MYT1L: variants seen among roughly 807,000 people sequenced by gnomAD.
The protein encoded by MYT1L is myelin transcription factor 1 like, also known as myelin transcription factor 1-like protein.
MYT1L carries 12 observed loss-of-function variants against 126.7 expected under a neutral mutation model. The ratio of observed to expected loss-of-function variants is 0.09; its 90% confidence interval spans 0.06 to 0.15. MYT1L has a LOEUF of 0.15. MYT1L is among the 10% of genes least tolerant of loss of function. The pLI, the probability that MYT1L is intolerant of heterozygous loss-of-function variation, is 1.00. For synonymous variants in MYT1L, 541 were observed against 604.2 expected (o/e 0.90, Z 1.53); for missense variants, 979 against 1,585.2 (o/e 0.62, Z 6.49).
intron 2 of MYT1L, among the ~76,000 whole-genome samples, chr2:2,190,322 G>A (rs1440363626): frequency 1.3e-5 from 2 of 151,972 alleles, no homozygotes; most frequent in Non-Finnish European, 2.9e-5. Flanking sequence ...CCAGGCAGTG[G>A]CACACGCCTG....
chr2:1,938,742 C>T (rs532037459), intron 9 of MYT1L, among the ~76,000 whole-genome samples: 115 of 152,302 alleles, frequency 7.6e-4, no homozygotes, highest in Non-Finnish European at 1.4e-3. Context: ...CCATCTTATG[C>T]AATCAATGTG....
rs190302853 is a variant in MYT1L at position 2,224,396 on chromosome 2, C to T, written c.-420-51408G>A. On this transcript the variant is annotated intron_variant, in intron 2 of 24. Coordinates refer to ENST00000647738, the MANE Select transcript of MYT1L (RefSeq NM_001303052.2). The surrounding 1 kb of genome is among the most constrained non-coding windows in gnomAD (Gnocchi z 4.0). ...TCAAAACTAACATCCCCAAAAAGAC[C>T]GGAGAGCTGGCGAGGTGACAGCCAT... Among the ~76,000 whole-genome samples, 27 of 152,246 alleles carry T rather than the reference C, an allele frequency of 1.8e-4. No homozygotes were observed. The highest frequency in any genetic ancestry group is 5.8e-4 in the East Asian group (3 of 5,172).
At chr2:1,973,025 T>C (rs1294260121) in intron 8 of MYT1L, among the ~76,000 whole-genome samples, 2 of 152,170 alleles carry the variant, frequency 1.3e-5, no homozygotes, top group African/African-American at 2.4e-5. Context: ...AAACAAATCA[T>C]TAAAACAGTC....
rs114345615 is a variant in MYT1L, at chr2:2,075,594, G to C, written c.-303-21471C>G. 6.4e-3 allele frequency among the ~76,000 whole-genome samples: 977 copies of C among 152,336 alleles called. 8 individuals are homozygous for C. The highest frequency in any genetic ancestry group is 0.011 in the Non-Finnish European group (775 of 68,034). On this transcript the variant is annotated intron_variant, in intron 3 of 24. Coordinates refer to ENST00000647738, the MANE Select transcript of MYT1L (RefSeq NM_001303052.2). Reference sequence around the variant, plus strand: ...CTCAACTGTGAGTTTCAAACTGTAAGAATCATTGGAGGAGGGATGAACAAA... The same window carrying C: ...CTCAACTGTGAGTTTCAAACTGTAACAATCATTGGAGGAGGGATGAACAAA...
At chr2:2,202,486 A>G (rs1418915809) in intron 2 of MYT1L, among the ~76,000 whole-genome samples, 1 of 152,228 alleles carries the variant, frequency 6.6e-6, no homozygotes, top group African/African-American at 2.4e-5. Context: ...AGAAAATACT[A>G]TAAACACCTG....
intron 21 of MYT1L, among the ~76,000 whole-genome samples, chr2:1,836,270 T>C (rs569952364): frequency 9.9e-5 from 15 of 151,570 alleles, no homozygotes; most frequent in African/African-American, 3.4e-4. Flanking sequence ...TACCCCAAGA[T>C]TCCATCAGCC....
At chr2:2,182,514 T>C (rs1372786053) in intron 2 of MYT1L, among the ~76,000 whole-genome samples, 1 of 152,046 alleles carries the variant, frequency 6.6e-6, no homozygotes, top group Non-Finnish European at 1.5e-5. Context: ...CCCCACACTC[T>C]TTCTCTCTCA....
intron 1 of MYT1L, among the ~76,000 whole-genome samples, chr2:2,294,452 G>A (rs921273626): frequency 3.3e-5 from 5 of 152,100 alleles, no homozygotes; most frequent in Admixed American, 6.6e-5. Context: ...CCCAGAAGCC[G>A]CGTCTGATGC....
chr2:2,202,707 G>A (rs1469972046), intron 2 of MYT1L, among the ~76,000 whole-genome samples: 4 of 152,176 alleles, frequency 2.6e-5, no homozygotes, highest in South Asian at 2.1e-4. Context: ...GGAGGAGCTG[G>A]TACCATTCCT....
chr2:1,795,437 C>T (rs75989324), intron 23 of MYT1L: 6,681 of 152,696 alleles, frequency 0.044, 200 homozygotes, highest in South Asian at 0.11. Flanking sequence ...GGCCCTCATA[C>T]GCCAGGCCTC....
At chr2:1,961,933 T>A (rs1317469440) in intron 8 of MYT1L, among the ~76,000 whole-genome samples, 1 of 152,228 alleles carries the variant, frequency 6.6e-6, no homozygotes, top group Non-Finnish European at 1.5e-5. Flanking sequence ...TATTGTGTAT[T>A]TCAAAATAGC....
chr2:1,944,230 G>A (rs1044201261), intron 8 of MYT1L, among the ~76,000 whole-genome samples: 7 of 151,808 alleles, frequency 4.6e-5, no homozygotes, highest in Admixed American at 1.3e-4. Context: ...ATCCCTCCCC[G>A]CTTCCCCGAC....
intron 4 of MYT1L, among the ~76,000 whole-genome samples, chr2:2,003,699 G>A (rs558308572): frequency 7.3e-4 from 111 of 152,272 alleles, no homozygotes; most frequent in African/African-American, 2.0e-3. Flanking sequence ...ACCCTGGTGT[G>A]GGGCCCATGG....
At position 1,910,798 on chromosome 2, in the gene MYT1L, T is replaced by A. The variant is rs2051856296; in HGVS notation, c.1710-451A>T. On this transcript the variant is annotated intron_variant, in intron 12 of 24. Transcript: ENST00000647738. The surrounding 1 kb of genome is among the most constrained non-coding windows in gnomAD (Gnocchi z 4.8). The stretch of plus-strand genomic sequence containing the variant: ...CCTAAATGCTATTGACTGTGGCGTC[T>A]GGGGGGCCTGTCTGACTTTAGCCCT... Among the ~76,000 whole-genome samples the A allele has an allele frequency of 6.6e-6, 1 of 152,106 alleles. No homozygotes were observed. The highest frequency in any genetic ancestry group is 1.9e-4 in the East Asian group (1 of 5,176).
intron 2 of MYT1L, among the ~76,000 whole-genome samples, chr2:2,237,157 T>A (rs1301386377): frequency 6.6e-6 from 1 of 152,144 alleles, no homozygotes; most frequent in Non-Finnish European, 1.5e-5. Flanking sequence ...TTGAAGGACA[T>A]GCTCATACTT....
chr2:2,215,667 A>G (rs185327864), intron 2 of MYT1L, among the ~76,000 whole-genome samples: 79 of 152,340 alleles, frequency 5.2e-4, no homozygotes, highest in Admixed American at 3.5e-3. Context: ...TTTGAACACT[A>G]TCAACCAACT....
At chr2:1,799,815 T>A (rs2147890401) in intron 23 of MYT1L, among the ~76,000 whole-genome samples, 1 of 152,144 alleles carries the variant, frequency 6.6e-6, no homozygotes, top group Middle Eastern at 3.4e-3. Context: ...CAGGTGGAGG[T>A]AATTAAATCA....
At chr2:2,182,412 G>T (rs2091636946) in intron 2 of MYT1L, among the ~76,000 whole-genome samples, 1 of 152,120 alleles carries the variant, frequency 6.6e-6, no homozygotes, top group Non-Finnish European at 1.5e-5. Flanking sequence ...TGATTAAAAA[G>T]ATATTAATTT....
At chr2:1,857,880 T>C (rs2044110703) in intron 18 of MYT1L, among the ~76,000 whole-genome samples, 1 of 151,972 alleles carries the variant, frequency 6.6e-6, no homozygotes, top group South Asian at 2.1e-4. Context: ...TTTTTTAATT[T>C]GAGACAGAGT....
Sources: allele counts gnomAD v4.1 joint callset (sites outside exome capture counted in the v4.1 genomes callset), GRCh38; gene constraint gnomAD v4.1.1; non-coding constraint Gnocchi (gnomAD v3.1); transcripts MANE v1.5; gene names NCBI Gene and HGNC (gene_info 2026-07-23, HGNC 2026-07-21).